The following DYNC2H1 variants were observed in gnomAD, a reference collection of about 807,000 sequenced individuals.
DYNC2H1 encodes the protein dynein cytoplasmic 2 heavy chain 1, also known as cytoplasmic dynein 2 heavy chain 1.
In DYNC2H1, 410 loss-of-function variants were observed where a neutral mutation model predicts 570.0. That is an observed-to-expected ratio of 0.72 (90% CI 0.66 to 0.78). DYNC2H1 has a LOEUF of 0.78. Among genes scored for constraint, DYNC2H1 ranks in the 30% least tolerant of loss-of-function variants. DYNC2H1 has a pLI of 0.00. For synonymous variants in DYNC2H1, 1,688 were observed against 1,677.6 expected (o/e 1.01, Z -0.15); for missense variants, 4,865 against 5,046.4 (o/e 0.96, Z 1.09).
chr11:103,173,344 T>A, intron 35 of DYNC2H1, 39 bp downstream of exon 35: 2 of 1,364,956 alleles, frequency 1.5e-6, no homozygotes, highest in East Asian at 5.7e-5. Flanking sequence ...TATTTTACAT[T>A]TCTAATGATT....
At chr11:103,121,634 A>T (rs956009893) in intron 10 of DYNC2H1, 138 bp downstream of exon 10, 1 of 952,524 alleles carries the variant, frequency 1.0e-6, no homozygotes, top group Admixed American at 3.0e-5. Flanking sequence ...TACAAAATGC[A>T]GAACACTGAA....
chr11:103,227,122 T>C (rs57486384), intron 59 of DYNC2H1, among the ~76,000 whole-genome samples: 2,820 of 152,276 alleles, frequency 0.019, 85 homozygotes, highest in African/African-American at 0.063. Flanking sequence ...ATTTTATTTT[T>C]TCAAAGAATG....
chr11:103,290,613 C>T (rs906275860), intron 75 of DYNC2H1, among the ~76,000 whole-genome samples: 12 of 152,132 alleles, frequency 7.9e-5, no homozygotes, highest in Non-Finnish European at 1.3e-4. Flanking sequence ...AACATCATGA[C>T]TCAGACAATA....
chr11:103,143,566 T>G (rs1860080734), intron 18 of DYNC2H1, among the ~76,000 whole-genome samples, 171 bp downstream of exon 18: 1 of 152,022 alleles, frequency 6.6e-6, no homozygotes. Context: ...ATAAAACAAG[T>G]TTTCCTTCTA....
intron 18 of DYNC2H1, among the ~76,000 whole-genome samples, chr11:103,144,297 A>T (rs948316766): frequency 6.6e-6 from 1 of 152,212 alleles, no homozygotes; most frequent in Non-Finnish European, 1.5e-5. Context: ...GAGATAAGTA[A>T]GTGTTTCCAT....
At chr11:103,340,308 A>G (rs1939381250) in intron 82 of DYNC2H1, among the ~76,000 whole-genome samples, 1 of 152,130 alleles carries the variant, frequency 6.6e-6, no homozygotes, top group Non-Finnish European at 1.5e-5. Flanking sequence ...TTTGCATTCT[A>G]CAGATAGGGA....
In DYNC2H1 at chr11:103,120,801, A is replaced by G. The variant is rs1427852877; in HGVS notation, c.1247A>G (p.Gln416Arg). ...TCAGAAATTCAAGACAGTCCACAGC[A>G]GGTAAAACATTGAGATATTTCACTT... ...YISEIQDSPQ[Q>R]LLQAFLKYKE... Residue 416 changes from glutamine to arginine, a missense_variant and splice_region_variant, in exon 8 of 89, where the codon CAG (glutamine) becomes CGG (arginine). Gln to Arg is a conservative substitution (Grantham distance 43, BLOSUM62 1). Coordinates refer to ENST00000375735, the MANE Select transcript of DYNC2H1 (RefSeq NM_001377.3). The G allele has an allele frequency of 4.0e-5, 60 of 1,485,066 alleles. No individual in the cohort carries two copies. Among genetic ancestry groups the G allele is most frequent in the Non-Finnish European group, 5.2e-5 (58 of 1,114,092 alleles). 92.0% of individuals were successfully genotyped at this position (1,485,066 alleles called of 1,614,324 possible).
intron 85 of DYNC2H1, 135 bp downstream of exon 85, chr11:103,436,167 C>A: frequency 2.9e-6 from 2 of 687,850 alleles, no homozygotes; most frequent in Non-Finnish European, 4.4e-6. Flanking sequence ...CATTATTCTG[C>A]CATTTGTTAT....
Position 103,231,340 on chromosome 11 carries a change from A to G in DYNC2H1, c.9434A>G (p.Lys3145Arg), listed in dbSNP as rs1338889250. The change falls in exon 60 of 89, where the codon AAA becomes AGA. Residue 3145 changes from lysine to arginine, a missense_variant. Lys to Arg is a conservative substitution (Grantham distance 26). This residue lies in a region of DYNC2H1 where 2,401 missense variants were observed against 2,454.6 expected (regional missense o/e 0.98). Coordinates refer to ENST00000375735, the MANE Select transcript of DYNC2H1 (RefSeq NM_001377.3). ...NSVGQKVSEL[K>R]EKFQSRTSEA... ...GTTGGTCAAAAGGTATCAGAACTCA[A>G]AGAAAAGTAAGTTATATTTTGAAGT... 1 of 1,594,384 alleles carries G rather than the reference A, an allele frequency of 6.3e-7. No individual in the cohort carries two copies. Among genetic ancestry groups the G allele is most frequent in the Non-Finnish European group, 8.6e-7 (1 of 1,168,478 alleles).
In DYNC2H1 at chr11:103,176,433, A is replaced by G. The variant is rs1301448943; in HGVS notation, c.5873A>G (p.Gln1958Arg). 10 of 1,512,322 alleles carry G rather than the reference A, an allele frequency of 6.6e-6. No homozygotes were observed. Among genetic ancestry groups the G allele is most frequent in the Non-Finnish European group, 8.8e-6 (10 of 1,135,428 alleles). The allele number at this position is 1,512,322 out of a possible 1,614,324, so 93.7% of individuals were successfully genotyped here. A position where few individuals can be genotyped will look rare whatever the true frequency, so the allele number is the denominator to read the frequency against. ...EEANYEIIPN[Q>R]IKKALELYEQ... ...GCCAATTATGAAATTATACCCAATC[A>G]GGTAACTGTCAAGAATATTTTATAA... Residue 1958 changes from glutamine (Q) to arginine (R), a missense_variant and splice_region_variant, in exon 37 of 89, where the codon CAG (glutamine) becomes CGG (arginine). By Grantham distance (43) the Gln-to-Arg change is conservative. Transcript: ENST00000375735.
intron 70 of DYNC2H1, among the ~76,000 whole-genome samples, chr11:103,276,398 T>G (rs557609625): frequency 9.2e-5 from 14 of 152,252 alleles, no homozygotes; most frequent in Non-Finnish European, 2.1e-4. Flanking sequence ...CATATAATAC[T>G]AGATGTAAAG....
chr11:103,363,648 C>G lies in DYNC2H1; in HGVS notation c.12156+5289C>G, dbSNP rs1000494156. Among the ~76,000 whole-genome samples the G allele has an allele frequency of 6.6e-6, 1 of 152,146 alleles. No individual in the cohort carries two copies. Among genetic ancestry groups the G allele is most frequent in the Non-Finnish European group, 1.5e-5 (1 of 68,024 alleles). On this transcript the variant is annotated intron_variant, in intron 83 of 88. Transcript: ENST00000375735. This position sits in a 1 kb window ranked among gnomAD's most constrained non-coding sequence, Gnocchi z 5.6. ...AGGGATCATTAGGAAAAACTACCAT[C>G]ATGTTGAAACTGGAATATGGAGATC...
intron 1 of DYNC2H1, among the ~76,000 whole-genome samples, chr11:103,111,020 T>G (rs1198830598): frequency 6.6e-6 from 1 of 152,102 alleles, no homozygotes; most frequent in Non-Finnish European, 1.5e-5. Context: ...GAAATGGGGT[T>G]TCACCATGTT....
intron 75 of DYNC2H1, among the ~76,000 whole-genome samples, chr11:103,290,060 T>C (rs1166212773): frequency 6.6e-6 from 1 of 151,956 alleles, no homozygotes; most frequent in Non-Finnish European, 1.5e-5. Context: ...ACCAGTCATA[T>C]TGGATTGAGG....
Position 103,293,812 on chromosome 11 carries a change from C to T in DYNC2H1, c.11095+6207C>T, listed in dbSNP as rs191606426. On this transcript the variant is annotated intron_variant, in intron 75 of 88. Transcript: ENST00000375735. Reference sequence around the variant, plus strand: ...CTGATATAGGCCAGGCACAGTGGCTCACACCTGTAATCTCAGCACTTTGGG... The same window carrying T: ...CTGATATAGGCCAGGCACAGTGGCTTACACCTGTAATCTCAGCACTTTGGG... 1.5e-3 allele frequency among the ~76,000 whole-genome samples: 232 copies of T among 152,202 alleles called. 1 individual carries two copies. Among genetic ancestry groups the T allele is most frequent in the Middle Eastern group, 0.014 (4 of 294 alleles).
intron 83 of DYNC2H1, among the ~76,000 whole-genome samples, chr11:103,398,682 T>G (rs1942494317): frequency 6.6e-6 from 1 of 152,176 alleles, no homozygotes; most frequent in Non-Finnish European, 1.5e-5. Flanking sequence ...TCTTGGCAGT[T>G]CTTTGACACT....
intron 6 of DYNC2H1, 53 bp downstream of exon 6, chr11:103,117,916 C>A: frequency 7.1e-7 from 1 of 1,415,384 alleles, no homozygotes; most frequent in Non-Finnish European, 9.6e-7. Context: ...TGTATCTTCA[C>A]TTGTTTGTAA....
chr11:103,179,395 T>A (rs1861759117), intron 39 of DYNC2H1, among the ~76,000 whole-genome samples, 162 bp downstream of exon 39: 1 of 151,938 alleles, frequency 6.6e-6, no homozygotes, highest in African/African-American at 2.4e-5. Flanking sequence ...AGAGTTCCTG[T>A]TTTATTACAA....
rs12280604 is a variant in DYNC2H1 at position 103,209,012 on chromosome 11, A to G, written c.8455-864A>G. Among the ~76,000 whole-genome samples, 9,684 of 152,158 alleles carry G rather than the reference A, an allele frequency of 0.064. 1,049 individuals carry two copies. The highest frequency in any genetic ancestry group is 0.22 in the African/African-American group (9,205 of 41,482). On this transcript the variant is annotated intron_variant, in intron 52 of 88. Coordinates refer to ENST00000375735, the MANE Select transcript of DYNC2H1 (RefSeq NM_001377.3). The surrounding 1 kb of genome is among the most constrained non-coding windows in gnomAD (Gnocchi z 4.2). Reference sequence around the variant, plus strand: ...GTTTAAAATATTCTCGTATAGGTTTAAGTGTTTTGTCAGAAATCAGTGAAG... The same window carrying G: ...GTTTAAAATATTCTCGTATAGGTTTGAGTGTTTTGTCAGAAATCAGTGAAG...
Sources: allele counts gnomAD v4.1 joint callset (sites outside exome capture counted in the v4.1 genomes callset), GRCh38; gene constraint gnomAD v4.1.1; regional missense constraint gnomAD v4.1.1; non-coding constraint Gnocchi (gnomAD v3.1); transcripts MANE v1.5; gene names NCBI Gene and HGNC (gene_info 2026-07-23, HGNC 2026-07-21).